Variants in CLASP2 observed in about 807,000 individuals in gnomAD.
The protein encoded by CLASP2 is cytoplasmic linker associated protein 2.
In CLASP2, 47 loss-of-function variants were observed where a neutral mutation model predicts 194.4. That is an observed-to-expected ratio of 0.24 (90% CI 0.19 to 0.31). CLASP2 has a LOEUF of 0.31. Ranked by LOEUF, CLASP2 falls within the 10% of genes least tolerant of loss-of-function variation. The probability of loss-of-function intolerance (pLI) is 1.00; values close to 1 mark genes in which losing one functional copy is unlikely to be tolerated. For missense variants in CLASP2, 1,445 were observed against 1,823.6 expected (o/e 0.79, Z 3.78); for synonymous variants, 619 against 633.5 (o/e 0.98, Z 0.34).
chr3:33,675,296 T>C (rs1299394899), intron 6 of CLASP2, among the ~76,000 whole-genome samples: 1 of 152,152 alleles, frequency 6.6e-6, no homozygotes. Flanking sequence ...TGCAAATCAA[T>C]AAATGTATTC....
chr3:33,667,772 G>C (rs1275795693), intron 6 of CLASP2, among the ~76,000 whole-genome samples: 1 of 151,852 alleles, frequency 6.6e-6, no homozygotes, highest in Non-Finnish European at 1.5e-5. Flanking sequence ...AAATGGTCTT[G>C]GCACCTCTGA....
intron 8 of CLASP2, among the ~76,000 whole-genome samples, chr3:33,643,865 A>C (rs1242779752): frequency 6.6e-6 from 1 of 152,036 alleles, no homozygotes; most frequent in African/African-American, 2.4e-5. Flanking sequence ...CTATAGACAA[A>C]AAGAAAAAAC....
chr3:33,541,706 T>C (rs1371464137), intron 32 of CLASP2, among the ~76,000 whole-genome samples: 2 of 152,208 alleles, frequency 1.3e-5, no homozygotes, highest in African/African-American at 2.4e-5. Flanking sequence ...CCATGGTGTA[T>C]AGATACCACA....
At chr3:33,514,696 C>A in intron 36 of CLASP2, 1 of 365,158 alleles carries the variant, frequency 2.7e-6, no homozygotes, top group South Asian at 2.2e-5. Flanking sequence ...AAAAAGAAGT[C>A]ATGATATGAA....
At chr3:33,680,450 C>T (rs13086987) in intron 6 of CLASP2, among the ~76,000 whole-genome samples, 36,829 of 152,030 alleles carry the variant, frequency 0.24, 4,979 homozygotes, top group Admixed American at 0.36. Context: ...GCATGTATAG[C>T]GACAGAGTAT....
At chr3:33,593,168 C>A (rs2069240442) in intron 20 of CLASP2, among the ~76,000 whole-genome samples, 1 of 152,206 alleles carries the variant, frequency 6.6e-6, no homozygotes, top group South Asian at 2.1e-4. Flanking sequence ...CATTCCCCTC[C>A]ACAAAACTAG....
chr3:33,657,778 T>C (rs1320415081), intron 7 of CLASP2, among the ~76,000 whole-genome samples: 1 of 152,216 alleles, frequency 6.6e-6, no homozygotes, highest in Admixed American at 6.5e-5. Context: ...CCAAATTTTC[T>C]ATCAGATTTC....
At chr3:33,610,995 G>A (rs1373090970) in intron 13 of CLASP2, among the ~76,000 whole-genome samples, 2 of 152,072 alleles carry the variant, frequency 1.3e-5, no homozygotes, top group African/African-American at 4.8e-5. Context: ...TATTGTTGGC[G>A]ATAGTGGTGT....
At chr3:33,560,009 T>C (rs1024210332) in intron 28 of CLASP2, among the ~76,000 whole-genome samples, 3 of 152,190 alleles carry the variant, frequency 2.0e-5, no homozygotes, top group Non-Finnish European at 2.9e-5. Context: ...TGTTTCTCTA[T>C]ACCTAAAATC....
At chr3:33,677,768 A>T (rs1275935603) in intron 6 of CLASP2, among the ~76,000 whole-genome samples, 5 of 151,072 alleles carry the variant, frequency 3.3e-5, no homozygotes, top group Non-Finnish European at 7.4e-5. Flanking sequence ...CTGAAAAAAA[A>T]AAATTATTCC....
intron 5 of CLASP2, among the ~76,000 whole-genome samples, chr3:33,686,298 C>T (rs575231061): frequency 6.6e-6 from 1 of 152,228 alleles, no homozygotes; most frequent in Non-Finnish European, 1.5e-5. Flanking sequence ...ACCAGGGATC[C>T]CCAAGCCCCA....
At position 33,627,083 on chromosome 3, in the gene CLASP2, T is replaced by TA. The variant is rs777610166; in HGVS notation, c.943-4dup. ...TCGAGTTCTCGACTAGAATAAATCT[T>TA]AAAAAAAAGATTCAGAATTATAACA... On this transcript the variant is annotated splice_region_variant and splice_polypyrimidine_tract_variant and intron_variant, in intron 9 of 38. Transcript: ENST00000682230. The TA allele has an allele frequency of 3.0e-5, 43 of 1,453,454 alleles. No individual in the cohort carries two copies. The highest frequency in any genetic ancestry group is 3.7e-5 in the Non-Finnish European group (39 of 1,054,424). 90.0% of individuals were successfully genotyped at this position (1,453,454 alleles called of 1,614,324 possible).
chr3:33,688,255 T>C, intron 4 of CLASP2, 22 bp downstream of exon 4: 1 of 1,506,966 alleles, frequency 6.6e-7, no homozygotes, highest in South Asian at 1.3e-5. Flanking sequence ...AGACAGTTAT[T>C]TTCAGTAATC....
At chr3:33,634,709 T>C (rs1021990257) in intron 8 of CLASP2, among the ~76,000 whole-genome samples, 2 of 152,188 alleles carry the variant, frequency 1.3e-5, no homozygotes, top group African/African-American at 4.8e-5. Flanking sequence ...TGAAGTGAGA[T>C]AATGTATAGA....
intron 7 of CLASP2, among the ~76,000 whole-genome samples, chr3:33,654,972 G>A (rs2083887086): frequency 6.6e-6 from 1 of 152,070 alleles, no homozygotes; most frequent in Non-Finnish European, 1.5e-5. Context: ...ACTTTGAACA[G>A]TCCAATGAAG....
At chr3:33,547,410 T>C (rs1320116448) in intron 30 of CLASP2, among the ~76,000 whole-genome samples, 1 of 152,260 alleles carries the variant, frequency 6.6e-6, no homozygotes, top group Non-Finnish European at 1.5e-5. Context: ...AAACTGTAAG[T>C]TCAATTAAAC....
intron 29 of CLASP2, among the ~76,000 whole-genome samples, 176 bp from the exon 30 acceptor site, chr3:33,551,571 G>A (rs1025566475): frequency 6.6e-6 from 1 of 151,908 alleles, no homozygotes; most frequent in Non-Finnish European, 1.5e-5. Flanking sequence ...CTCCCACCTC[G>A]GCCTCCCAAA....
intron 17 of CLASP2, among the ~76,000 whole-genome samples, chr3:33,603,944 T>C (rs1560264090): frequency 1.3e-5 from 2 of 152,044 alleles, no homozygotes; most frequent in Non-Finnish European, 2.9e-5. Flanking sequence ...GAAAACAGAG[T>C]GCATCACAAG....
Position 33,594,569 on chromosome 3 carries a change from C to T in CLASP2, c.1966+382G>A, listed in dbSNP as rs542460838. On this transcript the variant is annotated intron_variant, in intron 20 of 38. Coordinates refer to ENST00000682230, the MANE Select transcript of CLASP2 (RefSeq NM_001365631.1). ...AAACTTCAATGATAAAACAATGGTG[C>T]ATGATCTCTCAAAGTATAAATGAAT... 3.3e-5 allele frequency among the ~76,000 whole-genome samples: 5 copies of T among 151,670 alleles called. No homozygotes were observed. The South Asian group carries it at 6.3e-4, about 19-fold the overall frequency.
Sources: allele counts gnomAD v4.1 joint callset (sites outside exome capture counted in the v4.1 genomes callset), GRCh38; gene constraint gnomAD v4.1.1; transcripts MANE v1.5; gene names NCBI Gene and HGNC (gene_info 2026-07-23, HGNC 2026-07-21).